The following REXO5 variants were observed in gnomAD, a reference collection of about 807,000 sequenced individuals.
REXO5 encodes RNA exonuclease 5, also known as exonuclease NEF-sp.
Under a neutral mutation model 88.5 loss-of-function variants are expected in REXO5, and 48 were observed. That is an observed-to-expected ratio of 0.54 (90% CI 0.43 to 0.69). REXO5 has a LOEUF of 0.69. REXO5 is among the 30% of genes least tolerant of loss of function. The probability of loss-of-function intolerance (pLI) is 0.00; values close to 1 mark genes in which losing one functional copy is unlikely to be tolerated. For missense variants in REXO5, 749 were observed against 912.2 expected (o/e 0.82, Z 2.30); for synonymous variants, 311 against 336.5 (o/e 0.92, Z 0.83).
intron 18 of REXO5, 28 bp downstream of exon 18, chr16:20,845,269 G>A: frequency 6.3e-7 from 1 of 1,595,062 alleles, no homozygotes; most frequent in Non-Finnish European, 8.6e-7. Context: ...TCTTGGAGAA[G>A]ATGTCAGGAG....
chr16:20,810,320 T>G (rs2080977332), intron 2 of REXO5, among the ~76,000 whole-genome samples: 1 of 152,258 alleles, frequency 6.6e-6, no homozygotes, highest in South Asian at 2.1e-4. Flanking sequence ...TATTTTTCTG[T>G]ATTTTACTTA....
chr16:20,814,089 G>GT lies in REXO5; in HGVS notation c.251+802dup, dbSNP rs760255961. 5.3e-3 allele frequency among the ~76,000 whole-genome samples: 689 copies of GT among 130,168 alleles called. 1 individual carries two copies. Among genetic ancestry groups the GT allele is most frequent in the Admixed American group, 7.8e-3 (103 of 13,126 alleles). 85.4% of individuals were successfully genotyped at this position (130,168 alleles called of 152,430 possible). ...TCAGTCTGTCAGTTTATCTAAAACT[G>GT]TTTTTTTTTTTTTTTGGTAGGTTTT... On this transcript the variant is annotated intron_variant, in intron 3 of 19. Coordinates refer to ENST00000261377, the MANE Select transcript of REXO5 (RefSeq NM_030941.3).
intron 14 of REXO5, 31 bp downstream of exon 14, chr16:20,839,890 T>C (rs2081499466): frequency 7.4e-7 from 1 of 1,355,796 alleles, no homozygotes; most frequent in Non-Finnish European, 1.0e-6. Flanking sequence ...GAATGATTTA[T>C]TTAGTGACTT....
intron 8 of REXO5, 121 bp downstream of exon 8, chr16:20,826,069 T>A (rs2081256365): frequency 4.6e-6 from 3 of 650,254 alleles, no homozygotes; most frequent in African/African-American, 1.8e-5. Flanking sequence ...TATCAAAGGT[T>A]AGGGCATCAC....
At chr16:20,822,233 A>T (rs986575368) in intron 6 of REXO5, among the ~76,000 whole-genome samples, 1 of 152,164 alleles carries the variant, frequency 6.6e-6, no homozygotes, top group Admixed American at 6.5e-5. Flanking sequence ...GTATGTCTTT[A>T]ACATTTTAAC....
At chr16:20,808,827 T>G (rs949253143) in intron 2 of REXO5, 1 of 152,036 alleles carries the variant, frequency 6.6e-6, no homozygotes, top group African/African-American at 2.4e-5. Flanking sequence ...GGTCTTGAAC[T>G]CCTGGACTTA....
At chr16:20,808,808 G>C (rs917336658) in intron 2 of REXO5, 1 of 151,808 alleles carries the variant, frequency 6.6e-6, no homozygotes, top group Non-Finnish European at 1.5e-5. Flanking sequence ...TTGCCATGTT[G>C]CCCAGGCTGG....
At chr16:20,840,083 G>A (rs2081502841) in intron 14 of REXO5, 1 of 535,682 alleles carries the variant, frequency 1.9e-6, no homozygotes, top group Non-Finnish European at 3.3e-6. Flanking sequence ...ACATCTTTCT[G>A]TATCACTACA....
intron 2 of REXO5, among the ~76,000 whole-genome samples, chr16:20,812,018 A>G (rs1300159694): frequency 6.6e-6 from 1 of 152,250 alleles, no homozygotes; most frequent in Admixed American, 6.5e-5. Flanking sequence ...CTCAGGTAGT[A>G]TGACTAGGGC....
intron 5 of REXO5, among the ~76,000 whole-genome samples, chr16:20,817,348 CATT>C (rs1199046721): frequency 6.6e-5 from 10 of 152,218 alleles, no homozygotes; most frequent in African/African-American, 2.2e-4. Context: ...ACAGAGTAAT[CATT>C]ATGAGATTCT....
At chr16:20,819,612 G>A (rs1353324601) in intron 5 of REXO5, among the ~76,000 whole-genome samples, 1 of 151,494 alleles carries the variant, frequency 6.6e-6, no homozygotes, top group South Asian at 2.1e-4. Context: ...AAAATTAGCC[G>A]GGCGTGGTGG....
At chr16:20,831,046 C>T (rs1388069747) in intron 11 of REXO5, among the ~76,000 whole-genome samples, 2 of 122,484 alleles carry the variant, frequency 1.6e-5, no homozygotes, top group East Asian at 2.4e-4. Flanking sequence ...CTAAGCTGGA[C>T]TGGAACTCCT....
At chr16:20,841,439 G>A (rs954002004) in intron 15 of REXO5, among the ~76,000 whole-genome samples, 1 of 152,128 alleles carries the variant, frequency 6.6e-6, no homozygotes, top group Non-Finnish European at 1.5e-5. Context: ...GCTAGCTAAT[G>A]GGATTAGGGG....
intron 14 of REXO5, 62 bp from the exon 15 acceptor site, chr16:20,840,269 T>A (rs2081506142): frequency 7.3e-7 from 1 of 1,375,954 alleles, no homozygotes; most frequent in Admixed American, 2.3e-5. Flanking sequence ...ATGCATTGAC[T>A]CATGATTTCA....
At chr16:20,845,528 C>CA (rs1408477487) in intron 18 of REXO5, among the ~76,000 whole-genome samples, 4 of 152,028 alleles carry the variant, frequency 2.6e-5, no homozygotes, top group Non-Finnish European at 4.4e-5. Flanking sequence ...TAGGGTTTCC[C>CA]AAAGTGTGGT....
At chr16:20,844,101 T>C in intron 16 of REXO5, 75 bp downstream of exon 16, 1 of 862,170 alleles carries the variant, frequency 1.2e-6, no homozygotes, top group Non-Finnish European at 1.9e-6. Flanking sequence ...CCCCAGGACA[T>C]ATAGGAAACA....
chr16:20,840,566 T>A (rs2081510937), intron 15 of REXO5, 98 bp downstream of exon 15: 1 of 1,110,224 alleles, frequency 9.0e-7, no homozygotes, highest in Admixed American at 2.2e-5. Flanking sequence ...TAAAGTAAGC[T>A]TGATTGCTAC....
chr16:20,808,677 A>ACTGCAACTTTTGCCTCC (rs1260401361), intron 2 of REXO5: 1 of 132,790 alleles, frequency 7.5e-6, no homozygotes, highest in Non-Finnish European at 1.5e-5. Context: ...GATTTGGCTC[A>ACTGCAACTTTTGCCTCC]CTGCAACTTT....
At chr16:20,836,302 G>A (rs1456170297) in intron 13 of REXO5, among the ~76,000 whole-genome samples, 1 of 152,096 alleles carries the variant, frequency 6.6e-6, no homozygotes, top group Admixed American at 6.5e-5. Context: ...TGCTCTGCCT[G>A]TTGGAAACCA....
Sources: gnomAD v4.1 joint callset for allele counts (sites outside exome capture counted in the v4.1 genomes callset) on GRCh38, gnomAD v4.1.1 for gene constraint, MANE v1.5 for transcripts, NCBI Gene and HGNC (gene_info 2026-07-23, HGNC 2026-07-21) for gene names.